ADAMTS16: variants seen among roughly 807,000 people sequenced by gnomAD.
The protein encoded by ADAMTS16 is A disintegrin and metalloproteinase with thrombospondin motifs 16.
ADAMTS16 carries 94 observed loss-of-function variants against 145.8 expected under a neutral mutation model. The observed-to-expected ratio is 0.64, with a 90% confidence interval of 0.55 to 0.77. The LOEUF is 0.77. ADAMTS16 is among the 30% of genes least tolerant of loss of function. The probability of loss-of-function intolerance (pLI) is 0.00; values close to 1 mark genes in which losing one functional copy is unlikely to be tolerated. For missense variants in ADAMTS16, 1,585 were observed against 1,591.5 expected, an observed-to-expected ratio of 1.00 and a Z score of 0.07; for synonymous variants, 659 against 604.3, an observed-to-expected ratio of 1.09 and a Z score of -1.33.
intron 3 of ADAMTS16, among the ~76,000 whole-genome samples, chr5:5,152,323 C>T (rs985214355): frequency 1.3e-5 from 2 of 152,212 alleles, no homozygotes; most frequent in African/African-American, 4.8e-5. Flanking sequence ...AACCCCTTGT[C>T]TTCCCTGGTT....
chr5:5,280,797 A>G (rs915724100), intron 18 of ADAMTS16, among the ~76,000 whole-genome samples: 3 of 152,248 alleles, frequency 2.0e-5, no homozygotes, highest in Non-Finnish European at 4.4e-5. Flanking sequence ...TAAGCCTATA[A>G]TTAAATATAT....
chr5:5,275,294 A>G (rs1405216295), intron 18 of ADAMTS16, among the ~76,000 whole-genome samples: 1 of 152,144 alleles, frequency 6.6e-6, no homozygotes, highest in African/African-American at 2.4e-5. Flanking sequence ...GTGTTCTTAT[A>G]TTGAAATCAA....
chr5:5,156,440 T>A (rs778831906), intron 3 of ADAMTS16, among the ~76,000 whole-genome samples: 1 of 152,144 alleles, frequency 6.6e-6, no homozygotes, highest in Admixed American at 6.5e-5. Flanking sequence ...CCAATTTGGA[T>A]GGGGGAAAAG....
chr5:5,251,254 C>A (rs1399752059), intron 17 of ADAMTS16, among the ~76,000 whole-genome samples: 1 of 152,200 alleles, frequency 6.6e-6, no homozygotes, highest in African/African-American at 2.4e-5. Flanking sequence ...CAAATGCATA[C>A]CTTCCTAGTG....
intron 18 of ADAMTS16, among the ~76,000 whole-genome samples, chr5:5,276,200 T>C (rs987317716): frequency 3.3e-5 from 5 of 152,236 alleles, no homozygotes; most frequent in African/African-American, 1.2e-4. Flanking sequence ...TCTCTTCTTA[T>C]GGAGTGTGGT....
At position 5,301,684 on chromosome 5, in the gene ADAMTS16, G is replaced by T. The variant is rs529911670; in HGVS notation, c.2790-1584G>T. 2.0e-3 allele frequency among the ~76,000 whole-genome samples: 301 copies of T among 152,292 alleles called. 1 individual carries two copies. The highest frequency in any genetic ancestry group is 7.0e-3 in the African/African-American group (290 of 41,570). On this transcript the variant is annotated intron_variant, in intron 18 of 22. Transcript: ENST00000274181. ...ACACCTAACCTGAGGGTGACTGTGG[G>T]GTTCAGTGTGGGGGCACAGGATGGA...
chr5:5,214,595 T>C (rs1736371358), intron 10 of ADAMTS16, among the ~76,000 whole-genome samples: 1 of 152,066 alleles, frequency 6.6e-6, no homozygotes, highest in African/African-American at 2.4e-5. Context: ...GTTGAGACAG[T>C]GTTTCACCAT....
chr5:5,251,287 T>G (rs1737614659), intron 17 of ADAMTS16, among the ~76,000 whole-genome samples: 2 of 152,208 alleles, frequency 1.3e-5, no homozygotes. Flanking sequence ...TATGTCACTA[T>G]GTCATCTGTA....
chr5:5,229,814 G>A (rs1478946707), intron 11 of ADAMTS16, among the ~76,000 whole-genome samples: 1 of 152,174 alleles, frequency 6.6e-6, no homozygotes, highest in Non-Finnish European at 1.5e-5. Context: ...AATCCAGCCA[G>A]TCATGAAAAA....
intron 17 of ADAMTS16, among the ~76,000 whole-genome samples, chr5:5,245,935 C>T (rs961827598): frequency 1.3e-5 from 2 of 152,132 alleles, no homozygotes; most frequent in African/African-American, 4.8e-5. Flanking sequence ...ACTGGACTCT[C>T]AGTGAGCATC....
At chr5:5,279,519 C>A (rs1003153656) in intron 18 of ADAMTS16, among the ~76,000 whole-genome samples, 18 of 152,082 alleles carry the variant, frequency 1.2e-4, no homozygotes, top group Non-Finnish European at 2.9e-5. Context: ...TTTGCTGAGT[C>A]CACAGTGGTT....
intron 17 of ADAMTS16, among the ~76,000 whole-genome samples, chr5:5,252,364 C>CAT (rs1026506428): frequency 1.3e-5 from 2 of 151,926 alleles, no homozygotes; most frequent in African/African-American, 4.8e-5. Flanking sequence ...GGGAAAACTG[C>CAT]ATTTTAAGGA....
At chr5:5,305,331 C>T (rs986721091) in intron 20 of ADAMTS16, among the ~76,000 whole-genome samples, 2 of 59,692 alleles carry the variant, frequency 3.4e-5, no homozygotes, top group Non-Finnish European at 7.5e-5. Context: ...CACACATCCA[C>T]ACCACACACA....
intron 10 of ADAMTS16, among the ~76,000 whole-genome samples, chr5:5,220,220 T>C (rs113113384): frequency 0.018 from 2,669 of 147,894 alleles, 65 homozygotes; most frequent in African/African-American, 0.062. Context: ...AGTACAGTGG[T>C]GCCATCTCGG....
chr5:5,149,221 T>C (rs1734385474), intron 3 of ADAMTS16, among the ~76,000 whole-genome samples: 1 of 152,202 alleles, frequency 6.6e-6, no homozygotes, highest in Non-Finnish European at 1.5e-5. Context: ...ATATTTCTTA[T>C]TCAGTTAAGT....
chr5:5,309,330 A>G (rs1240779614), intron 21 of ADAMTS16, among the ~76,000 whole-genome samples: 1 of 151,512 alleles, frequency 6.6e-6, no homozygotes, highest in East Asian at 1.9e-4. Context: ...ATTTTGTGAA[A>G]TTTTTTTTTC....
chr5:5,232,131 T>C (rs1187140343), intron 11 of ADAMTS16, among the ~76,000 whole-genome samples: 2 of 152,100 alleles, frequency 1.3e-5, no homozygotes, highest in Non-Finnish European at 2.9e-5. Flanking sequence ...TTGAAAATGA[T>C]TTTTCTATTC....
chr5:5,183,959 C>T lies in ADAMTS16; in HGVS notation c.763+1654C>T, dbSNP rs79420226. ...TAGCGAAAGAAAGCTCAACAAACTGCCTCTTGTAGGTGGAGGATATTGGTG... is the reference window on the plus strand; with the variant it reads ...TAGCGAAAGAAAGCTCAACAAACTGTCTCTTGTAGGTGGAGGATATTGGTG... On this transcript the variant is annotated intron_variant, in intron 4 of 22. Transcript: ENST00000274181. Among the ~76,000 whole-genome samples the T allele has an allele frequency of 2.7e-3, 416 of 152,328 alleles. 1 individual carries two copies. The highest frequency in any genetic ancestry group is 9.6e-3 in the African/African-American group (401 of 41,570).
intron 2 of ADAMTS16, among the ~76,000 whole-genome samples, chr5:5,145,778 G>C (rs868189039): frequency 2.0e-5 from 3 of 152,162 alleles, no homozygotes; most frequent in Non-Finnish European, 2.9e-5. Flanking sequence ...CCTGCTTTCT[G>C]TCATCCTTCC....
Sources: gnomAD v4.1 joint callset for allele counts (sites outside exome capture counted in the v4.1 genomes callset) on GRCh38, gnomAD v4.1.1 for gene constraint, MANE v1.5 for transcripts, NCBI Gene and HGNC (gene_info 2026-07-23, HGNC 2026-07-21) for gene names.